The following SP100 variants were observed in gnomAD, a reference collection of about 807,000 sequenced individuals.
SP100 encodes SP100 nuclear body protein, also known as nuclear autoantigen Sp-100.
In SP100, 84 loss-of-function variants were observed where a neutral mutation model predicts 130.0. The ratio of observed to expected loss-of-function variants is 0.65; its 90% CI spans 0.54 to 0.77. SP100 has a LOEUF of 0.77. SP100 is among the 30% of genes least tolerant of loss of function. SP100 has a pLI of 0.00. For missense variants in SP100, 978 were observed against 1,052.2 expected (o/e 0.93, Z 0.97); for synonymous variants, 331 against 351.7 (o/e 0.94, Z 0.66).
At chr2:230,478,667 G>C (rs1270656754) in intron 17 of SP100, among the ~76,000 whole-genome samples, 5 of 152,004 alleles carry the variant, frequency 3.3e-5, no homozygotes, top group Admixed American at 3.3e-4. Flanking sequence ...AATTTCTTTT[G>C]TTAGTTATGA....
At chr2:230,515,825 G>A in intron 24 of SP100, 2 of 1,401,884 alleles carry the variant, frequency 1.4e-6, no homozygotes, top group African/African-American at 2.9e-5. Context: ...TGTCCTGGTG[G>A]TATTTAGCCA....
At chr2:230,465,077 A>C (rs2064869468) in intron 11 of SP100, among the ~76,000 whole-genome samples, 1 of 152,128 alleles carries the variant, frequency 6.6e-6, no homozygotes, top group African/African-American at 2.4e-5. Context: ...CTCTACTAAA[A>C]ATACAAAAAT....
At chr2:230,489,794 G>T (rs1329069027) in intron 17 of SP100, among the ~76,000 whole-genome samples, 1 of 152,094 alleles carries the variant, frequency 6.6e-6, no homozygotes, top group African/African-American at 2.4e-5. Context: ...TCAGGAGCAG[G>T]TTGTTCAATT....
intron 2 of SP100, among the ~76,000 whole-genome samples, chr2:230,424,481 A>G (rs1307141907): frequency 6.6e-6 from 1 of 152,182 alleles, no homozygotes; most frequent in Non-Finnish European, 1.5e-5. Flanking sequence ...AGCCTGGCCA[A>G]CATGGTGAAA....
intron 17 of SP100, among the ~76,000 whole-genome samples, chr2:230,490,939 T>C (rs1356790428): frequency 6.6e-6 from 1 of 152,146 alleles, no homozygotes; most frequent in African/African-American, 2.4e-5. Flanking sequence ...GAGAATCTGA[T>C]GATTATGTGT....
chr2:230,541,422 T>G, intron 27 of SP100, 50 bp downstream of exon 27: 1 of 1,463,896 alleles, frequency 6.8e-7, no homozygotes, highest in African/African-American at 1.4e-5. Context: ...GTCAAATCTG[T>G]GATCTGAATC....
At chr2:230,490,453 C>T (rs895669500) in intron 17 of SP100, among the ~76,000 whole-genome samples, 2 of 152,042 alleles carry the variant, frequency 1.3e-5, no homozygotes, top group African/African-American at 4.8e-5. Context: ...TCCAGTTTGC[C>T]AGTCTGTCTT....
rs779785834 is a variant in SP100 at position 230,490,928 on chromosome 2, G to GGA, written c.1601-3485_1601-3484dup. Among the ~76,000 whole-genome samples, 9 of 152,132 alleles carry GGA rather than the reference G, an allele frequency of 5.9e-5. No individual in the cohort carries two copies. The East Asian group carries it at 1.5e-3, about 26-fold the overall frequency. ...CTGGTCTTTCCTTCATTTGGACCTT[G>GGA]GAGAATCTGATGATTATGTGTCTTG... On this transcript the variant is annotated intron_variant, in intron 17 of 28. Transcript: ENST00000340126.
intron 2 of SP100, among the ~76,000 whole-genome samples, chr2:230,428,061 T>A (rs1386928417): frequency 2.0e-5 from 3 of 152,022 alleles, no homozygotes; most frequent in African/African-American, 4.8e-5. Flanking sequence ...TGAAACCCTG[T>A]CTCTACTAAA....
At chr2:230,473,245 C>T (rs1615190) in intron 15 of SP100, 79 bp from the exon 16 acceptor site, 721,842 of 855,014 alleles carry the variant, frequency 0.84, 308,960 homozygotes, top group African/African-American at 0.97. Context: ...GGGGAGTGGG[C>T]AGTCACTAAT....
Position 230,542,944 on chromosome 2 carries a change from T to C in SP100, c.2656T>C (p.Ter886GlnextTer13). 1 of 1,525,740 alleles carries C rather than the reference T, an allele frequency of 6.6e-7. No individual in the cohort carries two copies. The highest frequency in any genetic ancestry group is 2.3e-5 in the East Asian group (1 of 44,442). 94.5% of individuals were successfully genotyped at this position (1,525,740 alleles called of 1,614,324 possible). A position where few individuals can be genotyped will look rare whatever the true frequency, so the allele number is the denominator to read the frequency against. Residue 886 changes from the stop codon to glutamine, a stop_lost, in exon 29 of 29, where the codon TAG (stop) becomes CAG (glutamine). Transcript: ENST00000340126. ...ETSKNIIMFI[*>Q] ...AAGCAAGAACATTATAATGTTTATT[T>C]AGCCATTCTTATCTCCTCCCTTCAG... is the stretch of plus-strand genomic sequence containing the variant.
intron 17 of SP100, among the ~76,000 whole-genome samples, chr2:230,481,155 T>G (rs1048922920): frequency 6.6e-6 from 1 of 152,066 alleles, no homozygotes; most frequent in Non-Finnish European, 1.5e-5. Flanking sequence ...TCCCTAGGAA[T>G]TGCATCCAGT....
At chr2:230,531,566 T>A (rs1483791371) in intron 24 of SP100, among the ~76,000 whole-genome samples, 1 of 152,226 alleles carries the variant, frequency 6.6e-6, no homozygotes, top group East Asian at 1.9e-4. Flanking sequence ...AAAAATAAAT[T>A]AATTAATTTA....
At chr2:230,488,708 C>T (rs960257170) in intron 17 of SP100, among the ~76,000 whole-genome samples, 3 of 152,162 alleles carry the variant, frequency 2.0e-5, no homozygotes, top group South Asian at 2.1e-4. Flanking sequence ...CCACAGCGCC[C>T]GGCCAAGAGT....
intron 3 of SP100, 122 bp downstream of exon 3, chr2:230,443,221 A>G: frequency 1.2e-6 from 1 of 869,120 alleles, no homozygotes; most frequent in Non-Finnish European, 1.8e-6. Flanking sequence ...ATGAGTGGGG[A>G]ACTTTTTCAA....
chr2:230,471,960 A>T (rs1473589502), intron 15 of SP100, among the ~76,000 whole-genome samples: 7 of 152,174 alleles, frequency 4.6e-5, no homozygotes, highest in Admixed American at 4.6e-4. Flanking sequence ...ATTGATTGAC[A>T]GCCTTGCAAG....
At chr2:230,432,708 A>G (rs2063135730) in intron 2 of SP100, among the ~76,000 whole-genome samples, 1 of 152,094 alleles carries the variant, frequency 6.6e-6, no homozygotes, top group Non-Finnish European at 1.5e-5. Flanking sequence ...CTTCTTATTG[A>G]GTTGTCAGAA....
chr2:230,506,994 T>C (rs72985749), intron 22 of SP100: 6,943 of 152,472 alleles, frequency 0.046, 179 homozygotes, highest in Middle Eastern at 0.11. Flanking sequence ...GCACAGGGTC[T>C]TTGCTGCAGA....
At chr2:230,485,075 C>T (rs1305600354) in intron 17 of SP100, among the ~76,000 whole-genome samples, 4 of 151,538 alleles carry the variant, frequency 2.6e-5, no homozygotes, top group African/African-American at 9.7e-5. Context: ...GATACAGGCA[C>T]ATGGCACCAG....
Sources: gnomAD v4.1 joint callset for allele counts (sites outside exome capture counted in the v4.1 genomes callset) on GRCh38, gnomAD v4.1.1 for gene constraint, MANE v1.5 for transcripts, NCBI Gene and HGNC (gene_info 2026-07-23, HGNC 2026-07-21) for gene names.